Variants in SPATA16 observed in about 807,000 individuals in gnomAD.
The protein encoded by SPATA16 is spermatogenesis associated 16.
In SPATA16, 36 loss-of-function variants were observed where a neutral mutation model predicts 63.3. The ratio of observed to expected loss-of-function variants is 0.57; its 90% confidence interval spans 0.44 to 0.75. The LOEUF (loss-of-function observed/expected upper bound fraction) is 0.75. SPATA16 is among the 30% of genes least tolerant of loss of function. The pLI is 0.00. For missense variants in SPATA16, 646 were observed against 679.3 expected (o/e 0.95, Z 0.54); for synonymous variants, 203 against 216.7 (o/e 0.94, Z 0.56).
At chr3:173,045,777 C>A (rs1048699221) in intron 3 of SPATA16, among the ~76,000 whole-genome samples, 1 of 151,966 alleles carries the variant, frequency 6.6e-6, no homozygotes, top group African/African-American at 2.4e-5. Context: ...GCTACTTCTG[C>A]TGGTGTATAA....
chr3:173,031,591 G>T (rs547964409), intron 3 of SPATA16, among the ~76,000 whole-genome samples: 1 of 151,940 alleles, frequency 6.6e-6, no homozygotes, highest in Non-Finnish European at 1.5e-5. Flanking sequence ...TTCAACATGG[G>T]CTGTTGGCAT....
At chr3:172,961,062 TCTTCTTTCTTCCTTCCTTCCTTCCTTC>T (rs1172169490) in intron 5 of SPATA16, among the ~76,000 whole-genome samples, 5 of 37,046 alleles carry the variant, frequency 1.3e-4, no homozygotes, top group East Asian at 6.0e-4. Flanking sequence ...TTTCTTTCTT[TCTTCTTTCTTCCTTCCTTCCTTCCTTC>T]CTTCCTTCCT....
At chr3:172,942,110 C>G (rs1378480995) in intron 6 of SPATA16, among the ~76,000 whole-genome samples, 1 of 152,042 alleles carries the variant, frequency 6.6e-6, no homozygotes, top group Non-Finnish European at 1.5e-5. Flanking sequence ...CAGAAATCGA[C>G]AAAGATCTAT....
intron 1 of SPATA16, among the ~76,000 whole-genome samples, chr3:173,119,288 C>T (rs1225036248): frequency 3.3e-5 from 5 of 152,130 alleles, no homozygotes; most frequent in Non-Finnish European, 7.3e-5. Context: ...CAAACCTGCA[C>T]GTTCTGCACA....
rs551137298 is a variant in SPATA16, at chr3:173,054,784, T to C, written c.613-5690A>G. On this transcript the variant is annotated intron_variant, in intron 2 of 10. Transcript: ENST00000351008. The stretch of plus-strand genomic sequence containing the variant: ...AAAGAAAAGAGAAAGAAAACACATA[T>C]GTAAAACATTCCACTCACTAGCAGA... Among the ~76,000 whole-genome samples, 6 of 152,144 alleles carry C rather than the reference T, an allele frequency of 3.9e-5. No individual in the cohort carries two copies. In the East Asian group the frequency reaches 9.7e-4, roughly 24 times the overall value.
chr3:172,972,434 T>C (rs1164163021), intron 5 of SPATA16, among the ~76,000 whole-genome samples: 2 of 152,204 alleles, frequency 1.3e-5, no homozygotes, highest in Non-Finnish European at 2.9e-5. Flanking sequence ...GAGCACACCA[T>C]GAGGTTCTTT....
intron 5 of SPATA16, among the ~76,000 whole-genome samples, chr3:172,969,191 C>T (rs1733990928): frequency 6.6e-6 from 1 of 152,142 alleles, no homozygotes; most frequent in South Asian, 2.1e-4. Context: ...ATCTGACTTA[C>T]ATCATGGGGA....
intron 2 of SPATA16, among the ~76,000 whole-genome samples, chr3:173,108,995 A>C (rs1360059839): frequency 6.6e-6 from 1 of 152,188 alleles, no homozygotes; most frequent in Non-Finnish European, 1.5e-5. Flanking sequence ...TTAGCTACGC[A>C]TGACTGTATT....
At chr3:172,941,901 CCTTT>C (rs1733157114) in intron 6 of SPATA16, among the ~76,000 whole-genome samples, 3 of 151,768 alleles carry the variant, frequency 2.0e-5, no homozygotes, top group African/African-American at 7.3e-5. Flanking sequence ...TATTCTATGA[CCTTT>C]ATCTTGCTCA....
intron 2 of SPATA16, among the ~76,000 whole-genome samples, chr3:173,079,784 C>G (rs1350015331): frequency 6.6e-6 from 1 of 152,036 alleles, no homozygotes; most frequent in Non-Finnish European, 1.5e-5. Context: ...AATTTTCCAT[C>G]CCAGTGCATG....
intron 4 of SPATA16, among the ~76,000 whole-genome samples, chr3:172,988,470 T>C (rs1460268169): frequency 1.3e-5 from 2 of 152,182 alleles, no homozygotes; most frequent in African/African-American, 4.8e-5. Context: ...GCCTCCTCAA[T>C]ATGCCAATCG....
At chr3:173,055,914 A>T (rs1375145547) in intron 2 of SPATA16, among the ~76,000 whole-genome samples, 1 of 152,222 alleles carries the variant, frequency 6.6e-6, no homozygotes, top group Non-Finnish European at 1.5e-5. Flanking sequence ...AAATTTAATT[A>T]AAAATAATAA....
At chr3:172,895,300 C>T (rs1731984601) in intron 10 of SPATA16, among the ~76,000 whole-genome samples, 1 of 152,130 alleles carries the variant, frequency 6.6e-6, no homozygotes, top group Non-Finnish European at 1.5e-5. Flanking sequence ...CTTCTTAAGC[C>T]CTGACAACCA....
chr3:172,950,560 T>C (rs1187097935), intron 6 of SPATA16, among the ~76,000 whole-genome samples: 1 of 152,194 alleles, frequency 6.6e-6, no homozygotes, highest in Non-Finnish European at 1.5e-5. Flanking sequence ...AATAGTCTGA[T>C]TTTGAAAACT....
At chr3:173,040,721 G>A (rs149269066) in intron 3 of SPATA16, among the ~76,000 whole-genome samples, 15 of 152,276 alleles carry the variant, frequency 9.9e-5, no homozygotes, top group African/African-American at 3.1e-4. Flanking sequence ...GATAATGACC[G>A]TAATGCCATA....
intron 1 of SPATA16, among the ~76,000 whole-genome samples, chr3:173,127,532 A>G (rs549518539): frequency 6.8e-4 from 103 of 152,114 alleles, no homozygotes; most frequent in African/African-American, 2.4e-3. Context: ...GCTTTTTTCT[A>G]TCTTCCTTGA....
intron 2 of SPATA16, among the ~76,000 whole-genome samples, chr3:173,112,643 A>G (rs1215531047): frequency 6.6e-6 from 1 of 152,230 alleles, no homozygotes; most frequent in Non-Finnish European, 1.5e-5. Flanking sequence ...AATGTAAAAT[A>G]TAGTAGCTGG....
intron 10 of SPATA16, among the ~76,000 whole-genome samples, chr3:172,896,997 A>G (rs1732023298): frequency 6.6e-6 from 1 of 152,092 alleles, no homozygotes; most frequent in Non-Finnish European, 1.5e-5. Flanking sequence ...TTTGGCGTCA[A>G]GTCTGAGAAG....
chr3:173,103,140 G>C (rs897653196), intron 2 of SPATA16, among the ~76,000 whole-genome samples: 2 of 152,212 alleles, frequency 1.3e-5, no homozygotes, highest in African/African-American at 4.8e-5. Flanking sequence ...CTATGCCTGG[G>C]GCTTTGCAGG....
Sources: gnomAD v4.1 joint callset for allele counts (sites outside exome capture counted in the v4.1 genomes callset) on GRCh38, gnomAD v4.1.1 for gene constraint, MANE v1.5 for transcripts, NCBI Gene and HGNC (gene_info 2026-07-23, HGNC 2026-07-21) for gene names.